Variants in PRDM6 observed in about 807,000 individuals in gnomAD.
The protein encoded by PRDM6 is putative histone-lysine N-methyltransferase PRDM6.
A neutral mutation model predicts 60.8 loss-of-function variants in PRDM6; 25 were observed. The observed-to-expected ratio is 0.41, with a 90% CI of 0.30 to 0.57. The LOEUF (loss-of-function observed/expected upper bound fraction) is 0.57. PRDM6 is among the 20% of genes least tolerant of loss of function. The probability of loss-of-function intolerance (pLI) is 0.27; values close to 1 mark genes in which losing one functional copy is unlikely to be tolerated. For synonymous variants in PRDM6, 407 were observed against 357.4 expected (o/e 1.14, Z -1.57); for missense variants, 839 against 821.3 (o/e 1.02, Z -0.26).
intron 2 of PRDM6, among the ~76,000 whole-genome samples, chr5:123,091,108 G>T (rs1476787627): frequency 6.6e-6 from 1 of 152,200 alleles, no homozygotes; most frequent in Non-Finnish European, 1.5e-5. Context: ...TTTTCGGGCC[G>T]CGGGGTTGTG....
At chr5:123,163,508 C>T in intron 5 of PRDM6, among the ~76,000 whole-genome samples, 1 of 152,198 alleles carries the variant, frequency 6.6e-6, no homozygotes, top group East Asian at 1.9e-4. Flanking sequence ...CAGCAGTTCA[C>T]ACAGGCATTT....
At chr5:123,096,543 C>T (rs1377979265) in intron 2 of PRDM6, among the ~76,000 whole-genome samples, 1 of 152,146 alleles carries the variant, frequency 6.6e-6, no homozygotes, top group Non-Finnish European at 1.5e-5. Context: ...TAACATGTAT[C>T]TTGATGGCAG....
At chr5:123,102,891 T>A (rs1279380619) in intron 3 of PRDM6, among the ~76,000 whole-genome samples, 1 of 152,096 alleles carries the variant, frequency 6.6e-6, no homozygotes, top group East Asian at 1.9e-4. Flanking sequence ...TTTAGTATGG[T>A]TGTACTTTAT....
At chr5:123,133,116 A>G (rs1764871412) in intron 3 of PRDM6, among the ~76,000 whole-genome samples, 1 of 152,150 alleles carries the variant, frequency 6.6e-6, no homozygotes, top group African/African-American at 2.4e-5. Context: ...TCAGTGACAT[A>G]CAGTGTGAGA....
chr5:123,132,728 C>T (rs926278737), intron 3 of PRDM6, among the ~76,000 whole-genome samples: 58 of 134,088 alleles, frequency 4.3e-4, no homozygotes, highest in Admixed American at 3.9e-3. Context: ...AGGTCAATAT[C>T]GCTTAGAAGC....
chr5:123,125,539 A>G (rs149402487), intron 3 of PRDM6, among the ~76,000 whole-genome samples: 42 of 152,314 alleles, frequency 2.8e-4, no homozygotes, highest in African/African-American at 9.4e-4. Flanking sequence ...CAGAAATTCA[A>G]AGTCTGCTCA....
intron 3 of PRDM6, among the ~76,000 whole-genome samples, chr5:123,119,577 A>C (rs1764534837): frequency 6.6e-6 from 1 of 152,166 alleles, no homozygotes; most frequent in Non-Finnish European, 1.5e-5. Context: ...AGAGGAATGC[A>C]TCTGTTTGTG....
At chr5:123,160,495 A>T (rs1765602841) in intron 5 of PRDM6, among the ~76,000 whole-genome samples, 1 of 152,262 alleles carries the variant, frequency 6.6e-6, no homozygotes. Context: ...AGAAACAAAG[A>T]TAACAGATAT....
At chr5:123,143,071 C>T (rs1278711958) in intron 3 of PRDM6, among the ~76,000 whole-genome samples, 2 of 151,864 alleles carry the variant, frequency 1.3e-5, no homozygotes, top group Admixed American at 6.6e-5. Flanking sequence ...AACTCAGTCA[C>T]GGATGTTCTC....
chr5:123,097,426 CTG>C (rs1763983334), intron 2 of PRDM6, among the ~76,000 whole-genome samples: 1 of 152,070 alleles, frequency 6.6e-6, no homozygotes, highest in Non-Finnish European at 1.5e-5. Flanking sequence ...GCAGCCTTGA[CTG>C]TGAATCCTTT....
chr5:123,134,606 T>C (rs971364060), intron 3 of PRDM6, among the ~76,000 whole-genome samples: 2 of 152,132 alleles, frequency 1.3e-5, no homozygotes, highest in African/African-American at 2.4e-5. Flanking sequence ...AATTTAATCT[T>C]AAAAGGAACT....
chr5:123,175,158 C>T (rs1048630033), intron 6 of PRDM6, among the ~76,000 whole-genome samples: 1 of 152,192 alleles, frequency 6.6e-6, no homozygotes, highest in African/African-American at 2.4e-5. Context: ...TAAGCAAAGC[C>T]TTCAATCACA....
intron 5 of PRDM6, among the ~76,000 whole-genome samples, chr5:123,166,544 C>T (rs997239929): frequency 6.6e-6 from 1 of 152,108 alleles, no homozygotes; most frequent in Non-Finnish European, 1.5e-5. Context: ...TGGAATGTTA[C>T]ATTTGATGAA....
At chr5:123,140,176 A>T (rs916363522) in intron 3 of PRDM6, among the ~76,000 whole-genome samples, 1 of 152,150 alleles carries the variant, frequency 6.6e-6, no homozygotes, top group Non-Finnish European at 1.5e-5. Context: ...AAGATGTAGT[A>T]ACATCTTTAA....
rs7710535 is a variant in PRDM6, at chr5:123,108,674, A to C, written c.900+8713A>C. Among the ~76,000 whole-genome samples the C allele has an allele frequency of 6.4e-3, 971 of 152,306 alleles. 6 individuals are homozygous for C. The highest frequency in any genetic ancestry group is 0.022 in the African/African-American group (910 of 41,584). ...CACAAAGTGGAAAATCTCAAAATTA[A>C]GCTTAAAAAGCGGAAATTAATTTTT... On this transcript the variant is annotated intron_variant, in intron 3 of 7. Transcript: ENST00000407847.
At chr5:123,125,910 A>G (rs1355014956) in intron 3 of PRDM6, among the ~76,000 whole-genome samples, 1 of 152,136 alleles carries the variant, frequency 6.6e-6, no homozygotes, top group Non-Finnish European at 1.5e-5. Context: ...TTGGAGAACA[A>G]CATATGTAAG....
intron 6 of PRDM6, 76 bp downstream of exon 6, chr5:123,171,184 C>A: frequency 8.3e-7 from 1 of 1,201,172 alleles, no homozygotes; most frequent in Non-Finnish European, 1.2e-6. Flanking sequence ...AACTTCTGAG[C>A]ACCTCCACAG....
chr5:123,147,371 C>A (rs904785369), intron 3 of PRDM6, among the ~76,000 whole-genome samples: 5 of 151,922 alleles, frequency 3.3e-5, no homozygotes, highest in Admixed American at 3.3e-4. Context: ...TGTAGGGTTA[C>A]CATTTTTTTC....
At chr5:123,176,946 A>G (rs918450995) in intron 6 of PRDM6, among the ~76,000 whole-genome samples, 1 of 152,232 alleles carries the variant, frequency 6.6e-6, no homozygotes, top group Admixed American at 6.5e-5. Context: ...CAGAATAAAA[A>G]GCTGAGTAAT....
Sources: allele counts gnomAD v4.1 joint callset (sites outside exome capture counted in the v4.1 genomes callset), GRCh38; gene constraint gnomAD v4.1.1; transcripts MANE v1.5; gene names NCBI Gene and HGNC (gene_info 2026-07-23, HGNC 2026-07-21).